NOS1AP: variants seen among roughly 807,000 people sequenced by gnomAD.
NOS1AP encodes carboxyl-terminal PDZ ligand of neuronal nitric oxide synthase protein.
In NOS1AP, 21 loss-of-function variants were observed where a neutral mutation model predicts 56.2. That is an observed-to-expected ratio of 0.37 (90% CI 0.26 to 0.54). The LOEUF (loss-of-function observed/expected upper bound fraction) is 0.54, where lower values mean the gene tolerates loss of function less well. Ranked by LOEUF, NOS1AP falls within the 20% of genes least tolerant of loss-of-function variation. The probability of loss-of-function intolerance (pLI) is 0.84; values close to 1 mark genes in which losing one functional copy is unlikely to be tolerated. For missense variants in NOS1AP, 522 were observed against 657.8 expected (o/e 0.79, Z 2.26); for synonymous variants, 270 against 274.6 (o/e 0.98, Z 0.17).
chr1:162,142,006 G>T (rs1053376175), intron 1 of NOS1AP, among the ~76,000 whole-genome samples: 3 of 152,068 alleles, frequency 2.0e-5, no homozygotes, highest in Non-Finnish European at 4.4e-5. Flanking sequence ...TTTGTTTGGT[G>T]GGCCAAGCTT....
intron 2 of NOS1AP, among the ~76,000 whole-genome samples, chr1:162,165,497 T>A (rs1027370900): frequency 3.3e-5 from 5 of 152,206 alleles, no homozygotes; most frequent in Non-Finnish European, 7.3e-5. Context: ...GTAATAATTA[T>A]CCCATTGTCC....
chr1:162,125,957 A>T (rs1206263230), intron 1 of NOS1AP, among the ~76,000 whole-genome samples: 1 of 152,056 alleles, frequency 6.6e-6, no homozygotes, highest in East Asian at 1.9e-4. Context: ...TTTCAGCAGC[A>T]TTTGGTAGTT....
At chr1:162,193,457 G>A (rs1435118508) in intron 2 of NOS1AP, among the ~76,000 whole-genome samples, 1 of 152,156 alleles carries the variant, frequency 6.6e-6, no homozygotes, top group African/African-American at 2.4e-5. Flanking sequence ...GAGATAAAGT[G>A]GGAATGGCCT....
intron 2 of NOS1AP, among the ~76,000 whole-genome samples, chr1:162,284,843 C>T (rs1447365178): frequency 6.6e-6 from 1 of 152,092 alleles, no homozygotes; most frequent in Non-Finnish European, 1.5e-5. Context: ...ATAAAGGCCA[C>T]AGAGAGAGTG....
intron 2 of NOS1AP, among the ~76,000 whole-genome samples, chr1:162,158,910 C>T (rs1393542635): frequency 1.3e-5 from 2 of 152,164 alleles, no homozygotes; most frequent in African/African-American, 4.8e-5. Context: ...GAATATGGCT[C>T]CTTTTTAAAT....
chr1:162,219,145 A>G (rs1414614621), intron 2 of NOS1AP, among the ~76,000 whole-genome samples: 1 of 152,022 alleles, frequency 6.6e-6, no homozygotes, highest in East Asian at 1.9e-4. Context: ...GTAAGCTCTT[A>G]ACCTTTCCAG....
intron 2 of NOS1AP, among the ~76,000 whole-genome samples, chr1:162,202,485 T>C (rs1557831314): frequency 6.6e-6 from 1 of 152,196 alleles, no homozygotes; most frequent in East Asian, 1.9e-4. Flanking sequence ...TTTAATAATT[T>C]GTAGTAAACA....
intron 2 of NOS1AP, among the ~76,000 whole-genome samples, chr1:162,261,813 A>G (rs138653075): frequency 6.6e-6 from 1 of 152,220 alleles, no homozygotes; most frequent in African/African-American, 2.4e-5. Context: ...TGCGATGGAC[A>G]TAGTTCATTT....
At chr1:162,351,842 A>T (rs1292034262) in intron 6 of NOS1AP, among the ~76,000 whole-genome samples, 1 of 151,412 alleles carries the variant, frequency 6.6e-6, no homozygotes, top group Admixed American at 6.6e-5. Flanking sequence ...CTTTCTGTCC[A>T]CTCTTGATAT....
At chr1:162,082,060 T>A (rs902608834) in intron 1 of NOS1AP, among the ~76,000 whole-genome samples, 1 of 152,034 alleles carries the variant, frequency 6.6e-6, no homozygotes, top group African/African-American at 2.4e-5. Context: ...GACTCATTCG[T>A]TCTTTTTCCT....
intron 4 of NOS1AP, among the ~76,000 whole-genome samples, chr1:162,331,690 T>C (rs1355131582): frequency 6.6e-6 from 1 of 152,178 alleles, no homozygotes; most frequent in East Asian, 1.9e-4. Flanking sequence ...TTGTTAGTGG[T>C]GAAAAATGTT....
chr1:162,343,843 T>A lies in NOS1AP; in HGVS notation c.462T>A (p.Ala154=), dbSNP rs1235471883. ...TCCTTTCTCCTTCCCAGAGCCAAGC[T>A]ATGAGAATCGTTCGGACGGTGGGGC... ...NVFKSKKKSQ[A]MRIVRTVGQA... Residue 154 remains alanine, a synonymous_variant, in exon 6 of 10, where the codon GCT becomes GCA. Coordinates refer to ENST00000361897, the MANE Select transcript of NOS1AP (RefSeq NM_014697.3). 1 of 1,614,170 alleles carries A rather than the reference T, an allele frequency of 6.2e-7. No individual in the cohort carries two copies. Among genetic ancestry groups the A allele is most frequent in the Non-Finnish European group, 8.5e-7 (1 of 1,180,028 alleles).
chr1:162,316,369 AT>A (rs1399314330), intron 4 of NOS1AP, among the ~76,000 whole-genome samples: 1 of 152,258 alleles, frequency 6.6e-6, no homozygotes, highest in Non-Finnish European at 1.5e-5. Flanking sequence ...GCACCTCTTG[AT>A]GTTGTGGGTT....
chr1:162,075,398 G>A (rs1268490545), intron 1 of NOS1AP, among the ~76,000 whole-genome samples: 1 of 152,184 alleles, frequency 6.6e-6, no homozygotes, highest in African/African-American at 2.4e-5. Context: ...TTGGTTGATG[G>A]TTTCCCTGAT....
At position 162,107,890 on chromosome 1, in the gene NOS1AP, G is replaced by A. The variant is rs12034002; in HGVS notation, c.105+37608G>A. On this transcript the variant is annotated intron_variant, in intron 1 of 9. Transcript: ENST00000361897. The stretch of plus-strand genomic sequence containing the variant: ...GGTGTTGGTATTCTGAGATTCTTAC[G>A]TGTATTGTGAGATAGAATAAACAAC... Among the ~76,000 whole-genome samples, 25 of 152,258 alleles carry A rather than the reference G, an allele frequency of 1.6e-4. No individual in the cohort carries two copies. In the East Asian group the frequency reaches 3.3e-3, roughly 20 times the overall value.
At chr1:162,275,168 G>A (rs970325731) in intron 2 of NOS1AP, among the ~76,000 whole-genome samples, 13 of 152,042 alleles carry the variant, frequency 8.6e-5, no homozygotes, top group East Asian at 1.9e-4. Flanking sequence ...TTTTGTTGTC[G>A]TTGTTGTTTC....
chr1:162,129,864 C>T (rs1038776747), intron 1 of NOS1AP, among the ~76,000 whole-genome samples: 2 of 152,180 alleles, frequency 1.3e-5, no homozygotes, highest in Non-Finnish European at 2.9e-5. Flanking sequence ...CCTGTATTAT[C>T]TGTGATTGAT....
At chr1:162,256,849 A>G (rs533083553) in intron 2 of NOS1AP, among the ~76,000 whole-genome samples, 1 of 152,176 alleles carries the variant, frequency 6.6e-6, no homozygotes, top group Non-Finnish European at 1.5e-5. Flanking sequence ...CTTGAACCAG[A>G]TCCCAGAGTT....
intron 1 of NOS1AP, among the ~76,000 whole-genome samples, chr1:162,148,177 C>A (rs925068269): frequency 6.6e-6 from 1 of 152,184 alleles, no homozygotes; most frequent in Non-Finnish European, 1.5e-5. Flanking sequence ...GCCGGAACAC[C>A]AGGCAGAATC....
Sources: allele counts gnomAD v4.1 joint callset (sites outside exome capture counted in the v4.1 genomes callset), GRCh38; gene constraint gnomAD v4.1.1; transcripts MANE v1.5; gene names NCBI Gene and HGNC (gene_info 2026-07-23, HGNC 2026-07-21).